CEP128: variants seen among roughly 807,000 people sequenced by gnomAD.
CEP128 encodes centrosomal protein 128kDa.
CEP128 carries 132 observed loss-of-function variants against 156.7 expected under a neutral mutation model. The ratio of observed to expected loss-of-function variants is 0.84; its 90% CI spans 0.73 to 0.97. The LOEUF (loss-of-function observed/expected upper bound fraction) is 0.97. CEP128 is among the 50% of genes least tolerant of loss of function. The pLI is 0.00. For missense variants in CEP128, 1,252 were observed against 1,281.9 expected (o/e 0.98, Z 0.36); for synonymous variants, 469 against 448.9 (o/e 1.04, Z -0.57).
intron 6 of CEP128, among the ~76,000 whole-genome samples, chr14:80,900,270 T>A (rs982800153): frequency 6.6e-6 from 1 of 152,206 alleles, no homozygotes; most frequent in Non-Finnish European, 1.5e-5. Flanking sequence ...TCCAGAATTC[T>A]ACCCCTCTAG....
intron 19 of CEP128, among the ~76,000 whole-genome samples, chr14:80,597,607 TC>T (rs574358132): frequency 4.6e-4 from 65 of 141,018 alleles, no homozygotes; most frequent in African/African-American, 1.7e-3. Flanking sequence ...TAGACAATTG[TC>T]CCTCAAAAAA....
At chr14:80,655,292 G>C (rs1015691556) in intron 19 of CEP128, among the ~76,000 whole-genome samples, 2 of 152,040 alleles carry the variant, frequency 1.3e-5, no homozygotes, top group Non-Finnish European at 2.9e-5. Context: ...TCTTCATGTT[G>C]CTGCCAGAGT....
chr14:80,490,400 T>C (rs1887285030), downstream of CEP128: 1 of 152,278 alleles, frequency 6.6e-6, no homozygotes, highest in South Asian at 2.1e-4. Context: ...GAAATGTTAA[T>C]GTGGAATCAA....
chr14:80,727,871 G>T (rs1253508541), intron 19 of CEP128, among the ~76,000 whole-genome samples: 2 of 152,104 alleles, frequency 1.3e-5, no homozygotes, highest in African/African-American at 4.8e-5. Context: ...ACAGATGTTG[G>T]CATGGTTGCA....
intron 19 of CEP128, among the ~76,000 whole-genome samples, chr14:80,713,901 A>T (rs1187937772): frequency 6.6e-6 from 1 of 152,168 alleles, no homozygotes; most frequent in Non-Finnish European, 1.5e-5. Context: ...GGTTATTAGA[A>T]ACTATGTAAA....
intron 19 of CEP128, among the ~76,000 whole-genome samples, chr14:80,642,678 AAGAG>A (rs374657845): frequency 4.6e-5 from 7 of 151,906 alleles, no homozygotes; most frequent in Non-Finnish European, 8.8e-5. Context: ...AACAAAGAAA[AAGAG>A]AGAGAGAGAG....
chr14:80,938,783 A>AT (rs200530637), intron 2 of CEP128, among the ~76,000 whole-genome samples: 15 of 152,168 alleles, frequency 9.9e-5, no homozygotes, highest in Non-Finnish European at 2.2e-4. Context: ...GGACCACTAT[A>AT]TTTTTTTTAA....
chr14:80,843,979 A>C (rs1452539287), intron 9 of CEP128, among the ~76,000 whole-genome samples: 2 of 152,018 alleles, frequency 1.3e-5, no homozygotes, highest in Non-Finnish European at 2.9e-5. Flanking sequence ...TTTATTGCTC[A>C]GAACATGTAC....
chr14:80,563,524 C>CTTTTT lies in CEP128; in HGVS notation c.2857-4227_2857-4223dup, dbSNP rs540593415. Among the ~76,000 whole-genome samples, 9 of 78,872 alleles carry CTTTTT rather than the reference C, an allele frequency of 1.1e-4. 2 individuals carry two copies. The highest frequency in any genetic ancestry group is 5.5e-4 in the South Asian group (1 of 1,814). 51.7% of individuals were successfully genotyped at this position (78,872 alleles called of 152,430 possible). On this transcript the variant is annotated intron_variant, in intron 20 of 24. Coordinates refer to ENST00000555265, the MANE Select transcript of CEP128 (RefSeq NM_152446.5). Reference sequence around the variant, plus strand: ...GAAGCCTACCCATGGGCCTCCAAATCTTTTTTTTTTTTTTTTTTTTTTTTT... The same window carrying CTTTTT: ...GAAGCCTACCCATGGGCCTCCAAATCTTTTTTTTTTTTTTTTTTTTTTTTTTTTTT...
At chr14:80,515,754 C>T (rs555135416) in intron 23 of CEP128, among the ~76,000 whole-genome samples, 4 of 152,162 alleles carry the variant, frequency 2.6e-5, no homozygotes, top group Non-Finnish European at 5.9e-5. Context: ...TTTCCTCAAG[C>T]AGGAAAAGTC....
chr14:80,655,891 G>C (rs1405513041), intron 19 of CEP128, among the ~76,000 whole-genome samples: 4 of 151,966 alleles, frequency 2.6e-5, no homozygotes, highest in Non-Finnish European at 2.9e-5. Flanking sequence ...TCCTTTTTTT[G>C]TTTGTTTTGT....
rs71103883 is a variant in CEP128 at position 80,810,323 on chromosome 14, C to CAAAAA, written c.1210-17218_1210-17214dup. 3.4e-3 allele frequency among the ~76,000 whole-genome samples: 52 copies of CAAAAA among 15,204 alleles called. 3 individuals carry two copies. The highest frequency in any genetic ancestry group is 9.6e-3 in the African/African-American group (44 of 4,604). The allele number at this position is 15,204 out of a possible 152,430, so 10.0% of individuals were successfully genotyped here. On this transcript the variant is annotated intron_variant, in intron 13 of 24. Transcript: ENST00000555265. ...GGGCGACAGAGCAAGACTCCATCTC[C>CAAAAA]AAAAAAAAAAAAAAAAAAAAAAAAA...
chr14:80,668,119 C>A (rs530764406), intron 19 of CEP128, among the ~76,000 whole-genome samples: 1 of 152,102 alleles, frequency 6.6e-6, no homozygotes, highest in African/African-American at 2.4e-5. Flanking sequence ...ACAATCCCCA[C>A]AACAGTCTGT....
At chr14:80,788,206 T>C (rs1036458230) in intron 14 of CEP128, among the ~76,000 whole-genome samples, 3 of 150,972 alleles carry the variant, frequency 2.0e-5, no homozygotes, top group Non-Finnish European at 3.0e-5. Context: ...ACCCTGGACA[T>C]ACCCAGGGCC....
At chr14:80,944,883 A>C (rs868507919), upstream of CEP128, among the ~76,000 whole-genome samples, 964 of 150,436 alleles carry the variant, frequency 6.4e-3, 16 homozygotes, top group African/African-American at 0.022. Context: ...AAAACAAAAA[A>C]AAAAAAAACC....
At chr14:80,534,080 C>T (rs915293914) in intron 21 of CEP128, among the ~76,000 whole-genome samples, 2 of 152,168 alleles carry the variant, frequency 1.3e-5, no homozygotes, top group African/African-American at 2.4e-5. Flanking sequence ...TTACAGGCGT[C>T]TCAGGTCTCA....
At chr14:80,919,743 T>C (rs1884750990) in intron 2 of CEP128, among the ~76,000 whole-genome samples, 1 of 152,182 alleles carries the variant, frequency 6.6e-6, no homozygotes, top group Non-Finnish European at 1.5e-5. Context: ...CTAATCGTCA[T>C]ACAATACAAG....
intron 19 of CEP128, among the ~76,000 whole-genome samples, chr14:80,653,644 C>A (rs1293882522): frequency 6.6e-6 from 1 of 152,110 alleles, no homozygotes; most frequent in Admixed American, 6.6e-5. Flanking sequence ...CAGTTGGTGA[C>A]TTTAAGTTGA....
intron 19 of CEP128, among the ~76,000 whole-genome samples, chr14:80,608,604 A>T (rs1270482741): frequency 6.6e-6 from 1 of 152,032 alleles, no homozygotes; most frequent in African/African-American, 2.4e-5. Context: ...CCCTTTCCAT[A>T]TTCTAAATTC....
Sources: gnomAD v4.1 joint callset for allele counts (sites outside exome capture counted in the v4.1 genomes callset) on GRCh38, gnomAD v4.1.1 for gene constraint, MANE v1.5 for transcripts, NCBI Gene and HGNC (gene_info 2026-07-23, HGNC 2026-07-21) for gene names.